The following SMAD3 variants were observed in gnomAD, a reference collection of about 807,000 sequenced individuals.
The protein encoded by SMAD3 is MAD homolog 3.
SMAD3 carries 12 observed loss-of-function variants against 51.8 expected under a neutral mutation model. That is an observed-to-expected ratio of 0.23 (90% CI 0.15 to 0.38). The LOEUF is 0.38. Ranked by LOEUF, SMAD3 falls within the 10% of genes least tolerant of loss-of-function variation. The pLI, the probability that SMAD3 is intolerant of heterozygous loss-of-function variation, is 1.00. For synonymous variants in SMAD3, 238 were observed against 227.7 expected, an observed-to-expected ratio of 1.05 and a Z score of -0.41; for missense variants, 294 against 565.6, an observed-to-expected ratio of 0.52 and a Z score of 4.87.
chr15:67,176,914 G>A (rs568836100), intron 5 of SMAD3, among the ~76,000 whole-genome samples: 8 of 152,216 alleles, frequency 5.3e-5, no homozygotes, highest in South Asian at 4.1e-4. Context: ...CCGTGGGCAC[G>A]TGCCATCGTC....
intron 5 of SMAD3, among the ~76,000 whole-genome samples, chr15:67,175,038 C>G (rs1334825492): frequency 6.6e-6 from 1 of 152,210 alleles, no homozygotes; most frequent in Non-Finnish European, 1.5e-5. Flanking sequence ...GGTGATGTTC[C>G]TGTTATTACA....
At chr15:67,108,844 C>A (rs1248869186) in intron 1 of SMAD3, among the ~76,000 whole-genome samples, 1 of 151,610 alleles carries the variant, frequency 6.6e-6, no homozygotes, top group African/African-American at 2.4e-5. Flanking sequence ...CAGTTGTGCT[C>A]TATTTTCATT....
intron 1 of SMAD3, among the ~76,000 whole-genome samples, chr15:67,098,322 AGGAGGGAG>A (rs1279427816): frequency 3.6e-5 from 3 of 83,760 alleles, no homozygotes; most frequent in African/African-American, 4.7e-5. Flanking sequence ...AAAAGAAGGA[AGGAGGGAG>A]GGAGGGAGGG....
At chr15:67,166,602 A>T (rs1487519509) in intron 3 of SMAD3, 177 bp from the exon 4 acceptor site, 16 of 670,652 alleles carry the variant, frequency 2.4e-5, no homozygotes, top group Non-Finnish European at 4.4e-5. Context: ...CGGGAGTCAG[A>T]GGTGGACAGG....
At position 67,166,276 on chromosome 15, in the gene SMAD3, A is replaced by G. The variant is rs149171091; in HGVS notation, c.533-503A>G. 12 of 587,560 alleles carry G rather than the reference A, an allele frequency of 2.0e-5. No individual in the cohort carries two copies. The African/African-American group carries it at 2.1e-4, about 11-fold the overall frequency. The allele number at this position is 587,560 out of a possible 1,614,324, so 36.4% of individuals were successfully genotyped here. A position where few individuals can be genotyped will look rare whatever the true frequency, so the allele number is the denominator to read the frequency against. On this transcript the variant is annotated intron_variant, in intron 3 of 8. Transcript: ENST00000327367. Reference sequence around the variant, plus strand: ...GGGGGAGGTTTCAGAGAAATAGATCACACTGTCTTTGCCGTCATTGAACTT... The same window carrying G: ...GGGGGAGGTTTCAGAGAAATAGATCGCACTGTCTTTGCCGTCATTGAACTT...
chr15:67,155,836 A>T (rs1962267935), intron 1 of SMAD3, among the ~76,000 whole-genome samples: 2 of 152,040 alleles, frequency 1.3e-5, no homozygotes, highest in Admixed American at 6.6e-5. Context: ...AAATACAAAA[A>T]TTTAGCCGGG....
intron 6 of SMAD3, 40 bp downstream of exon 6, chr15:67,181,493 CT>C: frequency 6.9e-7 from 1 of 1,455,626 alleles, no homozygotes; most frequent in Non-Finnish European, 9.2e-7. Context: ...CACCCTGCCC[CT>C]GCCACTCTAT....
At chr15:67,099,922 C>A (rs1388317091) in intron 1 of SMAD3, among the ~76,000 whole-genome samples, 1 of 152,198 alleles carries the variant, frequency 6.6e-6, no homozygotes. Flanking sequence ...TGGCTTGCGC[C>A]TGTAATCCCA....
rs113549287 is a variant in SMAD3 at position 67,185,058 on chromosome 15, G to A, written c.1009+194G>A. Among the ~76,000 whole-genome samples, 327 of 152,368 alleles carry A rather than the reference G, an allele frequency of 2.1e-3. 2 individuals carry two copies. The highest frequency in any genetic ancestry group is 7.7e-3 in the African/African-American group (319 of 41,584). On this transcript the variant is annotated intron_variant, in intron 7 of 8. Transcript: ENST00000327367. Reference sequence around the variant, plus strand: ...TTCCCTGAACTTCCAGGGAGCAGATGTAGCATCTGATAGGTCTGCCTTTAA... The same window carrying A: ...TTCCCTGAACTTCCAGGGAGCAGATATAGCATCTGATAGGTCTGCCTTTAA...
intron 1 of SMAD3, among the ~76,000 whole-genome samples, chr15:67,147,696 C>A (rs1249540141): frequency 2.0e-5 from 3 of 152,222 alleles, no homozygotes; most frequent in East Asian, 3.9e-4. Context: ...CAGATGTGAG[C>A]ATGTCTGGAA....
chr15:67,091,621 T>C (rs921449891), intron 1 of SMAD3, among the ~76,000 whole-genome samples: 6 of 152,252 alleles, frequency 3.9e-5, no homozygotes, highest in Non-Finnish European at 8.8e-5. Context: ...GACTCACCTC[T>C]GTTTCCTCTT....
At chr15:67,070,824 A>G (rs1960037313) in intron 1 of SMAD3, among the ~76,000 whole-genome samples, 1 of 152,080 alleles carries the variant, frequency 6.6e-6, no homozygotes, top group Non-Finnish European at 1.5e-5. Flanking sequence ...TACCACCTGC[A>G]AGGATTTGGG....
At chr15:67,088,672 G>A (rs1237511211) in intron 1 of SMAD3, among the ~76,000 whole-genome samples, 1 of 152,190 alleles carries the variant, frequency 6.6e-6, no homozygotes, top group Non-Finnish European at 1.5e-5. Flanking sequence ...GCTCACGCCT[G>A]TAATCCCAGC....
At chr15:67,142,747 A>C (rs1419586297) in intron 1 of SMAD3, 5 of 380,522 alleles carry the variant, frequency 1.3e-5, no homozygotes, top group Non-Finnish European at 2.7e-5. Context: ...GTAACAGTGG[A>C]GATATATTGA....
At chr15:67,126,958 C>A (rs1291095856) in intron 1 of SMAD3, among the ~76,000 whole-genome samples, 2 of 152,200 alleles carry the variant, frequency 1.3e-5, no homozygotes, top group Middle Eastern at 3.2e-3. Flanking sequence ...GGTGGGCACT[C>A]ATTAGAGGGC....
At chr15:67,114,586 C>T (rs1228800193) in intron 1 of SMAD3, among the ~76,000 whole-genome samples, 1 of 152,166 alleles carries the variant, frequency 6.6e-6, no homozygotes, top group African/African-American at 2.4e-5. Context: ...TCGCAGTTGA[C>T]AGATGGGGAA....
chr15:67,180,972 C>CCAAA (rs1555413498), intron 5 of SMAD3, among the ~76,000 whole-genome samples: 1 of 145,858 alleles, frequency 6.9e-6, no homozygotes, highest in Non-Finnish European at 1.5e-5. Flanking sequence ...CCTTTATGAG[C>CCAAA]TAAATAAATA....
At chr15:67,097,230 G>A (rs1344415109) in intron 1 of SMAD3, among the ~76,000 whole-genome samples, 1 of 151,544 alleles carries the variant, frequency 6.6e-6, no homozygotes, top group Non-Finnish European at 1.5e-5. Flanking sequence ...TTTTGTTTTT[G>A]TAGGGGACAG....
At chr15:67,101,315 C>T (rs762450714) in intron 1 of SMAD3, among the ~76,000 whole-genome samples, 1 of 152,220 alleles carries the variant, frequency 6.6e-6, no homozygotes, top group Non-Finnish European at 1.5e-5. Flanking sequence ...GCTTACTCTA[C>T]TTTCAAACCC....
Sources: gnomAD v4.1 joint callset for allele counts (sites outside exome capture counted in the v4.1 genomes callset) on GRCh38, gnomAD v4.1.1 for gene constraint, MANE v1.5 for transcripts, NCBI Gene and HGNC (gene_info 2026-07-23, HGNC 2026-07-21) for gene names.